The following NACC1 variants were observed in gnomAD, a reference collection of about 807,000 sequenced individuals.
The protein encoded by NACC1 is nucleus accumbens associated 1.
NACC1 carries 6 observed loss-of-function variants against 41.7 expected under a neutral mutation model. The ratio of observed to expected loss-of-function variants is 0.14; its 90% CI spans 0.08 to 0.28. The LOEUF is 0.28. NACC1 is among the 10% of genes least tolerant of loss of function. NACC1 has a pLI of 1.00. For synonymous variants in NACC1, 338 were observed against 330.6 expected, an observed-to-expected ratio of 1.02 and a Z score of -0.24; for missense variants, 434 against 763.7, an observed-to-expected ratio of 0.57 and a Z score of 5.09.
At chr19:13,124,018 GAC>G (rs1402042039) in intron 1 of NACC1, among the ~76,000 whole-genome samples, 2 of 152,184 alleles carry the variant, frequency 1.3e-5, no homozygotes, top group Non-Finnish European at 2.9e-5. Context: ...TTGAGTAGGG[GAC>G]ACTGTTACTA....
At position 13,138,353 on chromosome 19, in the gene NACC1, G is replaced by C; in HGVS notation, c.1531G>C (p.Glu511Gln). 6.2e-7 allele frequency: 1 copy of C among 1,613,672 alleles called. No individual in the cohort carries two copies. Among genetic ancestry groups the C allele is most frequent in the Non-Finnish European group, 8.5e-7 (1 of 1,179,990 alleles). ...PDMMGVEHGF[E>Q]TASHEGEAGP... is the part of the protein sequence containing the mutation. ...CATGATGGGTGTGGAGCATGGCTTC[G>C]AGACCGCCAGCCACGAGGGCGAGGC... The change falls in exon 6 of 6, where the codon GAG (glutamate) becomes CAG (glutamine). Residue 511 changes from glutamate to glutamine, a missense_variant. Around this residue, in one of 4 missense-constraint regions of NACC1, gnomAD observed 63 missense variants for 68.4 expected, o/e 0.92. Coordinates refer to ENST00000292431, the MANE Select transcript of NACC1 (RefSeq NM_052876.4). This position sits in a 1 kb window ranked among gnomAD's most constrained non-coding sequence, Gnocchi z 5.7.
At chr19:13,125,988 C>T (rs760542401) in intron 1 of NACC1, among the ~76,000 whole-genome samples, 4 of 151,844 alleles carry the variant, frequency 2.6e-5, no homozygotes, top group Non-Finnish European at 5.9e-5. Flanking sequence ...CCGCCCACCT[C>T]GGCCTCCCAA....
In NACC1 at chr19:13,137,599, AG is replaced by A; in HGVS notation, c.1324+26del. On this transcript the variant is annotated intron_variant, in intron 5 of 5. Transcript: ENST00000292431. This position sits in a 1 kb window ranked among gnomAD's most constrained non-coding sequence, Gnocchi z 6.1. ...GTGTGAGTGTTGGCCCAGCTGGACG[AG>A]GCGTGGGCCCGGGGCACGCAGGTTG... The A allele has an allele frequency of 6.5e-7, 1 of 1,543,540 alleles. No individual in the cohort carries two copies. Among genetic ancestry groups the A allele is most frequent in the Non-Finnish European group, 8.8e-7 (1 of 1,141,824 alleles).
intron 1 of NACC1, among the ~76,000 whole-genome samples, chr19:13,133,332 G>A (rs1382787954): frequency 6.6e-6 from 1 of 151,680 alleles, no homozygotes; most frequent in African/African-American, 2.4e-5. Context: ...CTCCAGCCTG[G>A]GCGACAGAGT....
chr19:13,128,771 C>T (rs558256858), intron 1 of NACC1, among the ~76,000 whole-genome samples: 61 of 152,352 alleles, frequency 4.0e-4, no homozygotes, highest in African/African-American at 1.4e-3. Flanking sequence ...CCTGCCCAGG[C>T]AGGGACCTGG....
At position 13,137,696 on chromosome 19, in the gene NACC1, C is replaced by A; in HGVS notation, c.1324+121C>A. On this transcript the variant is annotated intron_variant, in intron 5 of 5. Coordinates refer to ENST00000292431, the MANE Select transcript of NACC1 (RefSeq NM_052876.4). The surrounding 1 kb of genome is among the most constrained non-coding windows in gnomAD (Gnocchi z 6.1). ...GTTGAGAAGCATTCTGGGGCTCATTCTAGCCTTGCTGGGAAACCGGCTGTG... is the reference window on the plus strand; with the variant it reads ...GTTGAGAAGCATTCTGGGGCTCATTATAGCCTTGCTGGGAAACCGGCTGTG... The A allele has an allele frequency of 1.2e-6, 1 of 811,652 alleles. No individual in the cohort carries two copies. The highest frequency in any genetic ancestry group is 1.9e-6 in the Non-Finnish European group (1 of 525,032). 50.3% of individuals were successfully genotyped at this position (811,652 alleles called of 1,614,324 possible). A position where few individuals can be genotyped will look rare whatever the true frequency, so the allele number is the denominator to read the frequency against.
At chr19:13,117,851 G>T (rs1599973939), upstream of NACC1, among the ~76,000 whole-genome samples, 1 of 152,170 alleles carries the variant, frequency 6.6e-6, no homozygotes, top group East Asian at 1.9e-4. Context: ...ACCGCGCCCA[G>T]CTGCCTTTAT....
chr19:13,125,535 C>G (rs1248173018), intron 1 of NACC1, among the ~76,000 whole-genome samples: 1 of 151,470 alleles, frequency 6.6e-6, no homozygotes, highest in African/African-American at 2.4e-5. Flanking sequence ...ATTCTCCTGC[C>G]TCAGCCTCCC....
chr19:13,127,371 CTTTTT>C (rs147514422), intron 1 of NACC1, among the ~76,000 whole-genome samples: 81 of 28,500 alleles, frequency 2.8e-3, no homozygotes, highest in African/African-American at 9.9e-3. Context: ...TATACATATA[CTTTTT>C]TTTTTTTTTT....
At chr19:13,118,930 G>C (rs1346529101) in intron 1 of NACC1, among the ~76,000 whole-genome samples, 1 of 151,222 alleles carries the variant, frequency 6.6e-6, no homozygotes, top group Non-Finnish European at 1.5e-5. Context: ...AGGTGGGTGG[G>C]TCAAGTTACA....
chr19:13,138,576 C>T lies in NACC1; in HGVS notation c.*170C>T. 2 of 1,033,654 alleles carry T rather than the reference C, an allele frequency of 1.9e-6. No individual in the cohort carries two copies. Among genetic ancestry groups the T allele is most frequent in the East Asian group, 2.6e-5 (1 of 38,152 alleles). The allele number at this position is 1,033,654 out of a possible 1,614,324, so 64.0% of individuals were successfully genotyped here. Reference sequence around the variant, plus strand: ...CCCCCTTTCCCCACCGAGAGCTGGGCCGGGAGAGGACCGCAGGGCAGGTGG... The same window carrying T: ...CCCCCTTTCCCCACCGAGAGCTGGGTCGGGAGAGGACCGCAGGGCAGGTGG... On this transcript the variant is annotated 3_prime_UTR_variant, in exon 6 of 6. Transcript: ENST00000292431. The surrounding 1 kb of genome is among the most constrained non-coding windows in gnomAD (Gnocchi z 5.7).
upstream of NACC1, among the ~76,000 whole-genome samples, chr19:13,117,746 G>A (rs1246279488): frequency 2.0e-5 from 3 of 152,034 alleles, no homozygotes; most frequent in African/African-American, 7.2e-5. Context: ...TAGAGACAGA[G>A]TTTCACCATA....
At position 13,140,346 on chromosome 19, in the gene NACC1, G is replaced by A. The variant is rs74180202; in HGVS notation, c.*1940G>A. 0.18 allele frequency: 27,052 copies of A among 152,526 alleles called. 2,656 individuals carry two copies. The highest frequency in any genetic ancestry group is 0.19 in the Non-Finnish European group (12,805 of 68,106). The allele number at this position is 152,526 out of a possible 1,614,324, so 9.4% of individuals were successfully genotyped here. A position where few individuals can be genotyped will look rare whatever the true frequency, so the allele number is the denominator to read the frequency against. On this transcript the variant is annotated 3_prime_UTR_variant, in exon 6 of 6. Coordinates refer to ENST00000292431, the MANE Select transcript of NACC1 (RefSeq NM_052876.4). The surrounding 1 kb of genome is among the most constrained non-coding windows in gnomAD (Gnocchi z 4.0). ...CACTTGGCAAGCGGCTGGGCCTGAC[G>A]GAGGCCGAGGGGCAGACCGGGGCTC...
In NACC1 at chr19:13,129,045, A is replaced by G. The variant is rs554033358; in HGVS notation, c.-8-6155A>G. ...AGTGGGACTTAGTTTCCTCAGAGGTAAGCTTAAGGGCACTGTGGCCGGGGT... is the reference window on the plus strand; with the variant it reads ...AGTGGGACTTAGTTTCCTCAGAGGTGAGCTTAAGGGCACTGTGGCCGGGGT... On this transcript the variant is annotated intron_variant, in intron 1 of 5. Coordinates refer to ENST00000292431, the MANE Select transcript of NACC1 (RefSeq NM_052876.4). 1.2e-4 allele frequency among the ~76,000 whole-genome samples: 18 copies of G among 152,280 alleles called. No homozygotes were observed. In the East Asian group the frequency reaches 2.7e-3, roughly 23 times the overall value.
Position 13,135,802 on chromosome 19 carries a change from G to T in NACC1, c.595G>T (p.Gly199Cys). Residue 199 changes from glycine (G) to cysteine (C), a missense_variant, in exon 2 of 6, where the codon GGC becomes TGC. Physicochemically the swap from Gly to Cys is radical, Grantham distance 159 (BLOSUM62 -3). Around this residue, in one of 4 missense-constraint regions of NACC1, gnomAD observed 234 missense variants for 308.3 expected, o/e 0.76. Transcript: ENST00000292431. ...GQKEAGGGGNGSRKMAKFSTP... is the reference protein window; with the variant it reads ...GQKEAGGGGNCSRKMAKFSTP... The stretch of plus-strand genomic sequence containing the variant: ...GAAGGAGGCTGGGGGCGGCGGCAAT[G>T]GCAGCCGCAAGATGGCCAAGTTCTC... The T allele has an allele frequency of 6.4e-7, 1 of 1,555,084 alleles. No homozygotes were observed.
At chr19:13,122,527 G>A (rs916628710) in intron 1 of NACC1, among the ~76,000 whole-genome samples, 2 of 149,844 alleles carry the variant, frequency 1.3e-5, no homozygotes, top group African/African-American at 2.5e-5. Flanking sequence ...CCCTGCCGGG[G>A]GGGGGGGGGT....
chr19:13,118,841 G>C (rs1180764579), intron 1 of NACC1, among the ~76,000 whole-genome samples: 1 of 145,934 alleles, frequency 6.9e-6, no homozygotes, highest in African/African-American at 2.5e-5. Flanking sequence ...CAGGCCGAGT[G>C]GGGGAGGAGA....
chr19:13,131,842 G>A (rs956470250), intron 1 of NACC1: 3 of 152,130 alleles, frequency 2.0e-5, no homozygotes, highest in Non-Finnish European at 4.4e-5. Flanking sequence ...AGATAGCTCA[G>A]GACATATCTT....
Position 13,135,468 on chromosome 19 carries a change from G to A in NACC1, c.261G>A (p.Thr87=), listed in dbSNP as rs374586109. ...SFQQILSFCY[T]GRLSMNVGDQ... Reference sequence around the variant, plus strand: ...AGCAGATCCTCAGCTTCTGCTACACGGGCCGGCTGAGCATGAACGTGGGCG... The same window carrying A: ...AGCAGATCCTCAGCTTCTGCTACACAGGCCGGCTGAGCATGAACGTGGGCG... The change falls in exon 2 of 6, where the codon ACG becomes ACA. Residue 87 remains threonine, a synonymous_variant. Transcript: ENST00000292431. 20 of 1,613,492 alleles carry A rather than the reference G, an allele frequency of 1.2e-5. No individual in the cohort carries two copies. Among genetic ancestry groups the A allele is most frequent in the African/African-American group, 2.7e-5 (2 of 75,068 alleles).
Sources: allele counts gnomAD v4.1 joint callset (sites outside exome capture counted in the v4.1 genomes callset), GRCh38; gene constraint gnomAD v4.1.1; regional missense constraint gnomAD v4.1.1; non-coding constraint Gnocchi (gnomAD v3.1); transcripts MANE v1.5; gene names NCBI Gene and HGNC (gene_info 2026-07-23, HGNC 2026-07-21).